SLC6A16: variants seen among roughly 807,000 people sequenced by gnomAD.
SLC6A16 encodes the protein orphan sodium- and chloride-dependent neurotransmitter transporter NTT5.
SLC6A16 carries 54 observed loss-of-function variants against 65.4 expected under a neutral mutation model. The ratio of observed to expected loss-of-function variants is 0.83; its 90% confidence interval spans 0.66 to 1.04. The LOEUF (loss-of-function observed/expected upper bound fraction) is 1.04, where lower values mean the gene tolerates loss of function less well. Ranked by LOEUF, SLC6A16 falls within the 50% of genes least tolerant of loss-of-function variation. SLC6A16 has a pLI of 0.00. For missense variants in SLC6A16, 816 were observed against 914.0 expected (o/e 0.89, Z 1.38); for synonymous variants, 330 against 346.5 (o/e 0.95, Z 0.53).
At chr19:49,337,249 AC>A in the SLC6A16 span, 1 of 1,602,998 alleles carries the variant, frequency 6.2e-7, no homozygotes, top group Admixed American at 1.7e-5. Context: ...GCCACCACCC[AC>A]CCCCAGCAGG....
At chr19:49,316,771 G>C (rs373787132) in intron 1 of SLC6A16, among the ~76,000 whole-genome samples, 1 of 151,470 alleles carries the variant, frequency 6.6e-6, no homozygotes, top group East Asian at 1.9e-4. Flanking sequence ...TGTAATCCTA[G>C]TACTTTGGGA....
rs745908357 is a variant in SLC6A16 at position 49,290,387 on chromosome 19, T to G, written c.1947A>C (p.Lys649Asn). The G allele has an allele frequency of 1.2e-6, 2 of 1,611,632 alleles. No individual in the cohort carries two copies. The highest frequency in any genetic ancestry group is 3.3e-5 in the Admixed American group (2 of 59,848). The change falls in exon 12 of 12, where the codon AAA becomes AAC. Residue 649 changes from lysine (K) to asparagine (N), a missense_variant. Lys to Asn is a moderately conservative substitution (Grantham distance 94, BLOSUM62 0). Transcript: ENST00000335875. ...TYMSWDSSTS[K>N]EVLRPYPPWA... ...ACGGTGGGTATGGTCGAAGCACCTC[T>G]TTTGACTGTGGAGAGATGGGAAAAG...
At position 49,315,345 on chromosome 19, in the gene SLC6A16, A is replaced by G. The variant is rs150955048; in HGVS notation, c.-64-3934T>C. ...GAAGCTGTATGCCAGAGAATGCAAC[A>G]GCAGGTGGGCCACTCCTCTGTTATT... On this transcript the variant is annotated intron_variant, in intron 1 of 11. Transcript: ENST00000335875. Among the ~76,000 whole-genome samples the G allele has an allele frequency of 5.0e-3, 764 of 152,342 alleles. 5 individuals carry two copies. The highest frequency in any genetic ancestry group is 0.017 in the African/African-American group (715 of 41,582).
intron 7 of SLC6A16, among the ~76,000 whole-genome samples, chr19:49,298,078 A>G (rs1970217257): frequency 1.3e-5 from 2 of 152,220 alleles, no homozygotes; most frequent in Admixed American, 6.5e-5. Flanking sequence ...GAACTAATGA[A>G]AAAAGTAATC....
In SLC6A16 at chr19:49,309,741, C is replaced by A. The variant is rs777798951; in HGVS notation, c.786G>T (p.Gly262=). 1 of 1,614,020 alleles carries A rather than the reference C, an allele frequency of 6.2e-7. No homozygotes were observed. The highest frequency in any genetic ancestry group is 8.5e-7 in the Non-Finnish European group (1 of 1,179,930). ...GCAGGACCAGACTGTAGACTGGTGA[C>A]CCGCCATCCTCGATTCTGTCTGAGG... The part of the protein sequence containing the change: ...LKASDRIEDG[G]SPVYSLVLPF... Residue 262 remains glycine (G), a synonymous_variant, in exon 5 of 12, where the codon GGG becomes GGT. Coordinates refer to ENST00000335875, the MANE Select transcript of SLC6A16 (RefSeq NM_014037.3).
upstream of SLC6A16, chr19:49,325,352 C>G: frequency 1.7e-6 from 1 of 573,814 alleles, no homozygotes; most frequent in Non-Finnish European, 2.2e-6. Context: ...TGACTGCTCA[C>G]GCGCCACTCC....
At chr19:49,303,492 T>C (rs1427730167) in intron 7 of SLC6A16, among the ~76,000 whole-genome samples, 2 of 151,906 alleles carry the variant, frequency 1.3e-5, no homozygotes, top group African/African-American at 4.8e-5. Flanking sequence ...CTGTCTCTAC[T>C]AAGAATACAA....
chr19:49,335,690 C>G, the SLC6A16 span: 318 of 1,613,370 alleles, frequency 2.0e-4, no homozygotes, highest in African/African-American at 4.0e-3. This position sits in a 1 kb window ranked among gnomAD's most constrained non-coding sequence, Gnocchi z 4.6. Context: ...GGCCCACCCC[C>G]GTATCCGCAT....
intron 7 of SLC6A16, among the ~76,000 whole-genome samples, chr19:49,300,260 C>G (rs1970264074): frequency 6.6e-6 from 1 of 152,064 alleles, no homozygotes; most frequent in Admixed American, 6.6e-5. Flanking sequence ...ATCACTTGAA[C>G]CCAGGAGGCA....
chr19:49,291,916 T>G (rs1970086305), intron 10 of SLC6A16, among the ~76,000 whole-genome samples: 1 of 152,158 alleles, frequency 6.6e-6, no homozygotes, highest in Non-Finnish European at 1.5e-5. Context: ...TGGCTACCTC[T>G]ACTATAGACT....
chr19:49,318,455 T>C (rs540509517), intron 1 of SLC6A16, among the ~76,000 whole-genome samples: 15 of 152,290 alleles, frequency 9.8e-5, no homozygotes, highest in African/African-American at 2.9e-4. Flanking sequence ...TTCCTTAAGA[T>C]AATACAGACA....
chr19:49,292,164 C>T lies in SLC6A16; in HGVS notation c.1778+1059G>A, dbSNP rs890415982. 4.6e-5 allele frequency among the ~76,000 whole-genome samples: 7 copies of T among 152,072 alleles called. No homozygotes were observed. The highest frequency in any genetic ancestry group is 2.1e-4 in the South Asian group (1 of 4,824). The stretch of plus-strand genomic sequence containing the variant: ...GCAGGTGATCACGAGGTCAAGAGTT[C>T]GAGACCAGCCTGGCCAACATGGTGA... On this transcript the variant is annotated intron_variant, in intron 10 of 11. Transcript: ENST00000335875. This position sits in a 1 kb window ranked among gnomAD's most constrained non-coding sequence, Gnocchi z 4.3.
chr19:49,305,052 T>G (rs1308672725), intron 7 of SLC6A16, among the ~76,000 whole-genome samples: 2 of 152,202 alleles, frequency 1.3e-5, no homozygotes, highest in Non-Finnish European at 2.9e-5. Context: ...AGAGGTAAAG[T>G]CTATTTTTCA....
At chr19:49,321,321 A>T (rs1436996954) in intron 1 of SLC6A16, among the ~76,000 whole-genome samples, 1 of 8,266 alleles carries the variant, frequency 1.2e-4, no homozygotes, top group African/African-American at 3.4e-3. Flanking sequence ...TTTCATGATA[A>T]AAAAAAAAAA....
At chr19:49,328,595 CA>C (rs1970820354), upstream of SLC6A16, among the ~76,000 whole-genome samples, 1 of 152,154 alleles carries the variant, frequency 6.6e-6, no homozygotes, top group Admixed American at 6.5e-5. Context: ...GGATCTATTT[CA>C]AGAATAGAGC....
the SLC6A16 span, chr19:49,331,847 A>G: frequency 2.2e-6 from 1 of 456,656 alleles, no homozygotes; most frequent in South Asian, 1.5e-5. Flanking sequence ...GAAAGAAGAA[A>G]CCAAGTTGGT....
chr19:49,291,085 G>A (rs559248934), intron 10 of SLC6A16, among the ~76,000 whole-genome samples: 33 of 152,260 alleles, frequency 2.2e-4, no homozygotes, highest in Admixed American at 9.8e-4. Context: ...TCTAAGTGCT[G>A]GATATCCAGC....
At chr19:49,327,267 G>A (rs1318773887), upstream of SLC6A16, among the ~76,000 whole-genome samples, 2 of 151,454 alleles carry the variant, frequency 1.3e-5, no homozygotes, top group Non-Finnish European at 2.9e-5. Flanking sequence ...TAGAGTCAGG[G>A]TTTAGTAGAG....
the SLC6A16 span, chr19:49,339,385 G>A: frequency 1.2e-6 from 2 of 1,613,932 alleles, no homozygotes; most frequent in Non-Finnish European, 1.7e-6. This position sits in a 1 kb window ranked among gnomAD's most constrained non-coding sequence, Gnocchi z 4.5. Context: ...TCCATAGTGG[G>A]CATTTGCCTG....
Sources: allele counts gnomAD v4.1 joint callset (sites outside exome capture counted in the v4.1 genomes callset), GRCh38; gene constraint gnomAD v4.1.1; non-coding constraint Gnocchi (gnomAD v3.1); transcripts MANE v1.5; gene names NCBI Gene and HGNC (gene_info 2026-07-23, HGNC 2026-07-21).